Variants in AFF3 observed in about 807,000 individuals in gnomAD.
AFF3 encodes the protein ALF transcription elongation factor 3, also known as AF4/FMR2 family member 3.
AFF3 carries 32 observed loss-of-function variants against 129.7 expected under a neutral mutation model. That is an observed-to-expected ratio of 0.25 (90% CI 0.19 to 0.33). The LOEUF is 0.33. AFF3 is among the 10% of genes least tolerant of loss of function. AFF3 has a pLI of 1.00. For missense variants in AFF3, 1,373 were observed against 1,592.0 expected (o/e 0.86, Z 2.34); for synonymous variants, 644 against 635.4 (o/e 1.01, Z -0.20).
At chr2:99,710,045 G>C (rs2104858980) in intron 11 of AFF3, among the ~76,000 whole-genome samples, 1 of 152,326 alleles carries the variant, frequency 6.6e-6, no homozygotes, top group East Asian at 1.9e-4. Flanking sequence ...CTACCTGGGT[G>C]AGCTCTCTCT....
At chr2:100,104,312 G>A (rs1208123022) in intron 4 of AFF3, 90 bp downstream of exon 4, 2 of 155,382 alleles carry the variant, frequency 1.3e-5, no homozygotes, top group Non-Finnish European at 1.9e-5. Flanking sequence ...CCGGCCGCCC[G>A]GAGCCCCCGG....
chr2:99,991,610 A>G (rs1314281601), intron 7 of AFF3, among the ~76,000 whole-genome samples: 2 of 152,206 alleles, frequency 1.3e-5, no homozygotes, highest in African/African-American at 4.8e-5. Flanking sequence ...TCAGAACCTT[A>G]TCACAAAATG....
At chr2:99,695,309 G>A (rs1373570176) in intron 11 of AFF3, among the ~76,000 whole-genome samples, 1 of 152,168 alleles carries the variant, frequency 6.6e-6, no homozygotes, top group African/African-American at 2.4e-5. Flanking sequence ...GGTGTTTCTG[G>A]CCCCACGCTC....
intron 24 of AFF3, among the ~76,000 whole-genome samples, chr2:99,552,385 G>A (rs1357508733): frequency 2.6e-5 from 4 of 152,072 alleles, no homozygotes; most frequent in East Asian, 1.9e-4. Context: ...GCAAGACTCC[G>A]CCTCAAAAAC....
chr2:99,862,439 C>G (rs999609233), intron 7 of AFF3, among the ~76,000 whole-genome samples: 5 of 152,162 alleles, frequency 3.3e-5, no homozygotes, highest in Non-Finnish European at 4.4e-5. Context: ...TACGTACATG[C>G]CTTACTCCAG....
chr2:99,552,129 G>A (rs1459200948), intron 24 of AFF3, among the ~76,000 whole-genome samples: 1 of 152,144 alleles, frequency 6.6e-6, no homozygotes, highest in Non-Finnish European at 1.5e-5. Context: ...CTCACACCTG[G>A]AATTCCGGCA....
intron 8 of AFF3, among the ~76,000 whole-genome samples, chr2:99,805,558 A>G (rs62147567): frequency 0.095 from 14,413 of 152,160 alleles, 1,028 homozygotes; most frequent in Non-Finnish European, 0.13. Flanking sequence ...CTGAGGAAAT[A>G]ATCCTCATCA....
intron 4 of AFF3, among the ~76,000 whole-genome samples, chr2:100,044,831 G>T (rs577796760): frequency 8.6e-5 from 13 of 152,026 alleles, no homozygotes; most frequent in African/African-American, 2.9e-4. Flanking sequence ...CAAACATGGG[G>T]GATGTCTGAT....
intron 12 of AFF3, among the ~76,000 whole-genome samples, chr2:99,658,809 A>G (rs1685983140): frequency 6.6e-6 from 1 of 152,128 alleles, no homozygotes; most frequent in Non-Finnish European, 1.5e-5. Context: ...AAAGGGGACT[A>G]GGTGAATTCT....
At chr2:99,795,868 T>C (rs1354781290) in intron 8 of AFF3, among the ~76,000 whole-genome samples, 1 of 152,126 alleles carries the variant, frequency 6.6e-6, no homozygotes, top group African/African-American at 2.4e-5. Flanking sequence ...TTTATTTGCA[T>C]GTTGCCTCCT....
At chr2:100,021,358 G>A (rs1249383706) in intron 4 of AFF3, among the ~76,000 whole-genome samples, 1 of 152,184 alleles carries the variant, frequency 6.6e-6, no homozygotes, top group Non-Finnish European at 1.5e-5. Flanking sequence ...CACTGGCACA[G>A]AGTGGGCACT....
At chr2:99,632,013 T>TA (rs1425773339) in intron 13 of AFF3, among the ~76,000 whole-genome samples, 1 of 140,630 alleles carries the variant, frequency 7.1e-6, no homozygotes. Context: ...CAACACTTTT[T>TA]TTTTTTTTTT....
At chr2:100,068,888 C>T (rs1687944782) in intron 4 of AFF3, among the ~76,000 whole-genome samples, 1 of 152,170 alleles carries the variant, frequency 6.6e-6, no homozygotes, top group Non-Finnish European at 1.5e-5. Context: ...TCACACAGAA[C>T]TGAGTCCCAA....
At chr2:99,648,938 C>CTCTCTCTCTCTCT (rs56856050) in intron 13 of AFF3, among the ~76,000 whole-genome samples, 10 of 146,594 alleles carry the variant, frequency 6.8e-5, no homozygotes, top group East Asian at 2.0e-4. Flanking sequence ...CTCTCTCTCT[C>CTCTCTCTCTCTCT]CAATCTTAGT....
chr2:99,613,620 A>C (rs1681142879), intron 13 of AFF3, among the ~76,000 whole-genome samples: 1 of 152,230 alleles, frequency 6.6e-6, no homozygotes, highest in African/African-American at 2.4e-5. Flanking sequence ...TTTTCAAAGA[A>C]ACAGCTTTTG....
At chr2:99,703,645 C>CTTTTTTTTTTT in intron 11 of AFF3, among the ~76,000 whole-genome samples, 1 of 146,966 alleles carries the variant, frequency 6.8e-6, no homozygotes, top group Non-Finnish European at 1.5e-5. Flanking sequence ...TCATTTCTCT[C>CTTTTTTTTTTT]TTTTTTTTTT....
chr2:99,961,102 G>C (rs1677170269), intron 7 of AFF3, among the ~76,000 whole-genome samples: 1 of 152,140 alleles, frequency 6.6e-6, no homozygotes, highest in African/African-American at 2.4e-5. Flanking sequence ...TCATGTGTCA[G>C]CATTTTAAAA....
At chr2:99,648,260 A>G (rs1191745703) in intron 13 of AFF3, among the ~76,000 whole-genome samples, 2 of 151,462 alleles carry the variant, frequency 1.3e-5, no homozygotes, top group Non-Finnish European at 2.9e-5. Flanking sequence ...CAACATCATC[A>G]TCTCCAAAAG....
chr2:99,797,941 C>T (rs565455423), intron 8 of AFF3, among the ~76,000 whole-genome samples: 44 of 152,090 alleles, frequency 2.9e-4, no homozygotes, highest in Admixed American at 2.7e-3. Flanking sequence ...AAAGTGCTAA[C>T]AGACGGAAAT....
Sources: gnomAD v4.1 joint callset for allele counts (sites outside exome capture counted in the v4.1 genomes callset) on GRCh38, gnomAD v4.1.1 for gene constraint, MANE v1.5 for transcripts, NCBI Gene and HGNC (gene_info 2026-07-23, HGNC 2026-07-21) for gene names.